The following CEP104 variants were observed in gnomAD, a reference collection of about 807,000 sequenced individuals.
The protein encoded by CEP104 is centrosomal protein of 104 kDa.
In CEP104, 84 loss-of-function variants were observed where a neutral mutation model predicts 113.3. That is an observed-to-expected ratio of 0.74 (90% CI 0.62 to 0.89). CEP104 has a LOEUF of 0.89. Ranked by LOEUF, CEP104 falls within the 40% of genes least tolerant of loss-of-function variation. The probability of loss-of-function intolerance (pLI) is 0.00; values close to 1 mark genes in which losing one functional copy is unlikely to be tolerated. For synonymous variants in CEP104, 378 were observed against 421.7 expected, an observed-to-expected ratio of 0.90 and a Z score of 1.27; for missense variants, 1,053 against 1,156.6, an observed-to-expected ratio of 0.91 and a Z score of 1.30.
intron 1 of CEP104, chr1:3,855,763 T>C (rs1644711011): frequency 3.1e-6 from 1 of 322,262 alleles, no homozygotes; most frequent in South Asian, 1.2e-4. Context: ...CATAAGATAC[T>C]TGGAATGTCA....
At chr1:3,855,544 G>C (rs1189989988) in intron 1 of CEP104, among the ~76,000 whole-genome samples, 2 of 151,986 alleles carry the variant, frequency 1.3e-5, no homozygotes, top group Non-Finnish European at 2.9e-5. Context: ...CAAACAGAAG[G>C]GTGTTTCCAG....
intron 4 of CEP104, among the ~76,000 whole-genome samples, chr1:3,846,700 G>A (rs963053036): frequency 6.6e-6 from 1 of 152,188 alleles, no homozygotes; most frequent in Non-Finnish European, 1.5e-5. Context: ...CAAGGGGCCA[G>A]GCAGCTTAAT....
At chr1:3,833,811 C>T (rs1372888696) in intron 12 of CEP104, 51 bp downstream of exon 12, 4 of 1,561,046 alleles carry the variant, frequency 2.6e-6, no homozygotes, top group Non-Finnish European at 2.6e-6. Flanking sequence ...CAGAGAGCTA[C>T]AGGAATATGT....
rs7528666 is a variant in CEP104 at position 3,842,415 on chromosome 1, C to G, written c.566+2492G>C. Among the ~76,000 whole-genome samples the G allele has an allele frequency of 6.0e-3, 911 of 152,268 alleles. 10 individuals carry two copies. Among genetic ancestry groups the G allele is most frequent in the African/African-American group, 0.02 (848 of 41,560 alleles). On this transcript the variant is annotated intron_variant, in intron 6 of 21. Transcript: ENST00000378230. ...TTTTTTATAGACATTACATGAATAG[C>G]CTCTACTCTCTGAGCACTCCACACT...
chr1:3,821,709 C>T (rs1465122751), intron 20 of CEP104, among the ~76,000 whole-genome samples: 1 of 152,220 alleles, frequency 6.6e-6, no homozygotes, highest in East Asian at 1.9e-4. Context: ...GCCCAGAGAT[C>T]CCACCTCCTG....
At chr1:3,855,275 G>C (rs1018858870) in intron 1 of CEP104, among the ~76,000 whole-genome samples, 1 of 150,690 alleles carries the variant, frequency 6.6e-6, no homozygotes, top group Non-Finnish European at 1.5e-5. Context: ...ATGAACTCTC[G>C]GGCTCAAATG....
chr1:3,852,228 C>G, intron 2 of CEP104, 67 bp downstream of exon 2: 1 of 1,487,994 alleles, frequency 6.7e-7, no homozygotes, highest in Non-Finnish European at 9.0e-7. Flanking sequence ...ATGAAAGGAG[C>G]CCCTGTACCC....
rs141668218 is a variant in CEP104 at position 3,840,072 on chromosome 1, C to T, written c.567-296G>A. 1.1e-4 allele frequency among the ~76,000 whole-genome samples: 16 copies of T among 152,190 alleles called. No individual in the cohort carries two copies. In the East Asian group the frequency reaches 2.5e-3, roughly 24 times the overall value. ...AGAGTGCAGACTCTGGGCCTCGCCT[C>T]GTTATGGGCCCTGGGAATAGGACAG... On this transcript the variant is annotated intron_variant, in intron 6 of 21. Coordinates refer to ENST00000378230, the MANE Select transcript of CEP104 (RefSeq NM_014704.4).
intron 4 of CEP104, among the ~76,000 whole-genome samples, chr1:3,846,152 C>T (rs909951986): frequency 6.6e-6 from 1 of 151,408 alleles, no homozygotes; most frequent in Non-Finnish European, 1.5e-5. Context: ...TTTAACATAG[C>T]CTCAAAATGA....
chr1:3,852,530 T>C (rs1436753839), intron 1 of CEP104, 109 bp from the exon 2 acceptor site: 10 of 967,126 alleles, frequency 1.0e-5, no homozygotes, highest in Non-Finnish European at 1.3e-5. Context: ...ATGCACTAAG[T>C]ATTCAGAATT....
At chr1:3,853,657 T>A (rs1644658507) in intron 1 of CEP104, among the ~76,000 whole-genome samples, 1 of 152,228 alleles carries the variant, frequency 6.6e-6, no homozygotes, top group African/African-American at 2.4e-5. Flanking sequence ...TTTCTTGGAA[T>A]GTATGAACAA....
intron 12 of CEP104, among the ~76,000 whole-genome samples, 173 bp from the exon 13 acceptor site, chr1:3,831,395 C>T (rs1431618890): frequency 2.0e-5 from 3 of 152,030 alleles, no homozygotes; most frequent in Non-Finnish European, 4.4e-5. Flanking sequence ...CTATTTAAAG[C>T]GTAACAACCA....
intron 5 of CEP104, 55 bp downstream of exon 5, chr1:3,845,233 TC>T: frequency 8.4e-7 from 1 of 1,188,906 alleles, no homozygotes; most frequent in South Asian, 1.3e-5. Context: ...AATAAATGAC[TC>T]CCTCCCATTA....
intron 4 of CEP104, among the ~76,000 whole-genome samples, chr1:3,846,694 G>A (rs545892888): frequency 2.0e-5 from 3 of 152,262 alleles, no homozygotes; most frequent in African/African-American, 4.8e-5. Context: ...ATGCTGCAAG[G>A]GGCCAGGCAG....
At chr1:3,822,108 CA>C (rs112312599) in intron 20 of CEP104, among the ~76,000 whole-genome samples, 50 of 152,178 alleles carry the variant, frequency 3.3e-4, no homozygotes, top group African/African-American at 1.2e-3. Context: ...ACGGGAGAAA[CA>C]AGACGGGCTG....
intron 4 of CEP104, among the ~76,000 whole-genome samples, chr1:3,846,647 A>AGG (rs1644513017): frequency 6.6e-6 from 1 of 152,196 alleles, no homozygotes; most frequent in Admixed American, 6.5e-5. Flanking sequence ...AGGAAGGAAC[A>AGG]GGGTTAAGAC....
At chr1:3,854,460 CT>C in intron 1 of CEP104, among the ~76,000 whole-genome samples, 1 of 152,102 alleles carries the variant, frequency 6.6e-6, no homozygotes, top group Non-Finnish European at 1.5e-5. Context: ...CCCTCCAATC[CT>C]TTCATCAGCT....
intron 2 of CEP104, among the ~76,000 whole-genome samples, chr1:3,849,627 A>C (rs1036602077): frequency 2.6e-5 from 4 of 152,242 alleles, no homozygotes; most frequent in Non-Finnish European, 5.9e-5. Context: ...CAAAAGTTCA[A>C]GACAGGCACA....
rs755261540 is a variant in CEP104 at position 3,823,507 on chromosome 1, T to G, written c.2420A>C (p.Asp807Ala). Residue 807 changes from aspartate to alanine, a missense_variant, in exon 19 of 22, where the codon GAC becomes GCC. Transcript: ENST00000378230. This position sits in a 1 kb window ranked among gnomAD's most constrained non-coding sequence, Gnocchi z 4.1. ...EHLLTECDKK[D>A]GFGKCYRCSE... ...GCAACGGTAACACTTTCCAAACCCG[T>G]CTTTTTTGTCACATTCCGTCAGCAA... The G allele has an allele frequency of 3.6e-5, 58 of 1,614,088 alleles. No individual in the cohort carries two copies. The highest frequency in any genetic ancestry group is 3.4e-6 in the Non-Finnish European group (4 of 1,180,046).
Sources: allele counts gnomAD v4.1 joint callset (sites outside exome capture counted in the v4.1 genomes callset), GRCh38; gene constraint gnomAD v4.1.1; non-coding constraint Gnocchi (gnomAD v3.1); transcripts MANE v1.5; gene names NCBI Gene and HGNC (gene_info 2026-07-23, HGNC 2026-07-21).